Variants in MARCHF1 observed in about 807,000 individuals in gnomAD.
MARCHF1 encodes the protein E3 ubiquitin-protein ligase MARCHF1.
Under a neutral mutation model 54.2 loss-of-function variants are expected in MARCHF1, and 40 were observed. The observed-to-expected ratio is 0.74, with a 90% CI of 0.57 to 0.96. MARCHF1 has a LOEUF of 0.96. Ranked by LOEUF, MARCHF1 falls within the 40% of genes least tolerant of loss-of-function variation. The pLI is 0.00. For missense variants in MARCHF1, 586 were observed against 656.5 expected, an observed-to-expected ratio of 0.89 and a Z score of 1.17; for synonymous variants, 236 against 236.3, an observed-to-expected ratio of 1.00 and a Z score of 0.01.
At chr4:163,879,833 G>GTGTGTT (rs1750376719) in intron 3 of MARCHF1, among the ~76,000 whole-genome samples, 1 of 151,440 alleles carries the variant, frequency 6.6e-6, no homozygotes, top group South Asian at 2.1e-4. Context: ...GTGTGTGTGT[G>GTGTGTT]TAGCTTTTAT....
At chr4:164,296,628 C>T (rs534411467) in intron 1 of MARCHF1, among the ~76,000 whole-genome samples, 8 of 152,246 alleles carry the variant, frequency 5.3e-5, no homozygotes, top group Admixed American at 5.2e-4. Context: ...CCTTGGCCTC[C>T]CAAAGTGCTG....
intron 8 of MARCHF1, among the ~76,000 whole-genome samples, chr4:163,553,525 G>T (rs146688216): frequency 1.3e-5 from 2 of 152,198 alleles, no homozygotes; most frequent in East Asian, 1.9e-4. Context: ...AGATAAGAAG[G>T]GTTATTACAA....
intron 2 of MARCHF1, among the ~76,000 whole-genome samples, chr4:164,069,752 C>T (rs1435500389): frequency 6.6e-6 from 1 of 152,142 alleles, no homozygotes; most frequent in South Asian, 2.1e-4. Context: ...ATTCTGGACA[C>T]ACCATTACTA....
chr4:163,531,900 T>C (rs1738366559), intron 9 of MARCHF1, among the ~76,000 whole-genome samples: 1 of 151,662 alleles, frequency 6.6e-6, no homozygotes, highest in Admixed American at 6.6e-5. Context: ...ATGTACAAGA[T>C]TTATGTGAGA....
intron 3 of MARCHF1, among the ~76,000 whole-genome samples, chr4:163,970,620 T>C (rs1752528947): frequency 6.6e-6 from 1 of 152,152 alleles, no homozygotes; most frequent in South Asian, 2.1e-4. Flanking sequence ...TAGATTTCAG[T>C]TTTACCTCTA....
chr4:164,106,532 C>T (rs1445355740), intron 2 of MARCHF1, among the ~76,000 whole-genome samples: 23 of 135,326 alleles, frequency 1.7e-4, no homozygotes, highest in South Asian at 4.8e-4. Context: ...AACCAAACAC[C>T]GCATATTCTC....
chr4:163,658,394 G>A (rs2111091957), intron 5 of MARCHF1, among the ~76,000 whole-genome samples: 1 of 152,012 alleles, frequency 6.6e-6, no homozygotes, highest in Non-Finnish European at 1.5e-5. Context: ...ATAAAGTCAA[G>A]AAATAACAGA....
intron 1 of MARCHF1, among the ~76,000 whole-genome samples, chr4:164,347,784 G>A (rs1193731637): frequency 3.3e-5 from 5 of 152,052 alleles, no homozygotes; most frequent in Non-Finnish European, 1.5e-5. Flanking sequence ...GGATTGTAGG[G>A]TAAACTGGAA....
intron 4 of MARCHF1, among the ~76,000 whole-genome samples, chr4:163,767,270 A>C (rs993786224): frequency 6.6e-6 from 1 of 151,810 alleles, no homozygotes; most frequent in African/African-American, 2.4e-5. Context: ...AAATCTGATT[A>C]ATTTGCGTTC....
chr4:164,306,840 TA>T (rs567212960), intron 1 of MARCHF1, among the ~76,000 whole-genome samples: 454 of 152,262 alleles, frequency 3.0e-3, no homozygotes, highest in Non-Finnish European at 4.2e-3. Context: ...AGATATTAAT[TA>T]AAAGGTAGAT....
Position 163,585,745 on chromosome 4 carries a change from G to T in MARCHF1, c.1191+4C>A, listed in dbSNP as rs761835208. On this transcript the variant is annotated splice_donor_region_variant and intron_variant, in intron 8 of 9. Coordinates refer to ENST00000514618, the MANE Select transcript of MARCHF1 (RefSeq NM_001394959.1). ...TCCCAAACCAATTCCTATGGATACT[G>T]TACCTTCCGGAGGGGTTTGAGCTTG... 1 of 1,582,220 alleles carries T rather than the reference G, an allele frequency of 6.3e-7. No individual in the cohort carries two copies. Among genetic ancestry groups the T allele is most frequent in the South Asian group, 1.2e-5 (1 of 86,356 alleles).
At chr4:163,550,281 C>CAAAAAAAAAAA (rs60320461) in intron 8 of MARCHF1, among the ~76,000 whole-genome samples, 3 of 105,130 alleles carry the variant, frequency 2.9e-5, no homozygotes, top group Non-Finnish European at 4.0e-5. Context: ...GACTCCGTCT[C>CAAAAAAAAAAA]AAAAAAAAAA....
At chr4:163,873,740 T>C (rs1415089671) in intron 3 of MARCHF1, among the ~76,000 whole-genome samples, 1 of 152,238 alleles carries the variant, frequency 6.6e-6, no homozygotes, top group Non-Finnish European at 1.5e-5. Flanking sequence ...GTTCTTGGAC[T>C]GTTCTGAGGC....
At chr4:163,895,053 T>C (rs1010908103) in intron 3 of MARCHF1, among the ~76,000 whole-genome samples, 2 of 151,698 alleles carry the variant, frequency 1.3e-5, no homozygotes, top group Non-Finnish European at 2.9e-5. Flanking sequence ...CATATATGCA[T>C]GTGATGCATA....
chr4:163,526,379 A>AAAG lies in MARCHF1; in HGVS notation c.*2366_*2368dup, dbSNP rs1368973313. 1 of 152,096 alleles carries AAAG rather than the reference A, an allele frequency of 6.6e-6. No individual in the cohort carries two copies. Among genetic ancestry groups the AAAG allele is most frequent in the African/African-American group, 2.4e-5 (1 of 41,434 alleles). 9.4% of individuals were successfully genotyped at this position (152,096 alleles called of 1,614,324 possible). On this transcript the variant is annotated 3_prime_UTR_variant, in exon 10 of 10. Transcript: ENST00000514618. The stretch of plus-strand genomic sequence containing the variant: ...AATTATTTTACTTTCAGAGCAAACA[A>AAAG]AAGAGAAATCAACATTTCTTTGTTT...
chr4:163,616,360 G>A (rs981366602), intron 5 of MARCHF1, among the ~76,000 whole-genome samples: 1 of 152,092 alleles, frequency 6.6e-6, no homozygotes, highest in South Asian at 2.1e-4. Context: ...TACATCCAAT[G>A]AGGAACTAAT....
intron 1 of MARCHF1, among the ~76,000 whole-genome samples, chr4:164,212,798 T>G (rs920166406): frequency 6.6e-6 from 1 of 152,174 alleles, no homozygotes. Flanking sequence ...GCTAGCCATA[T>G]GAGGTGCCAT....
chr4:163,616,437 G>C (rs1455124521), intron 5 of MARCHF1, among the ~76,000 whole-genome samples: 2 of 152,042 alleles, frequency 1.3e-5, no homozygotes, highest in Non-Finnish European at 2.9e-5. Flanking sequence ...TTGTAAAATG[G>C]GAAAATGATT....
At chr4:164,077,869 A>C (rs1755012369) in intron 2 of MARCHF1, among the ~76,000 whole-genome samples, 1 of 152,228 alleles carries the variant, frequency 6.6e-6, no homozygotes. Context: ...ATCATTAAAA[A>C]GTCAGGAAAC....
Sources: allele counts gnomAD v4.1 joint callset (sites outside exome capture counted in the v4.1 genomes callset), GRCh38; gene constraint gnomAD v4.1.1; transcripts MANE v1.5; gene names NCBI Gene and HGNC (gene_info 2026-07-23, HGNC 2026-07-21).